Variants in GRIN2A observed in about 807,000 individuals in gnomAD.
The protein encoded by GRIN2A is glutamate receptor ionotropic, NMDA 2A.
In GRIN2A, 22 loss-of-function variants were observed where a neutral mutation model predicts 113.4. The ratio of observed to expected loss-of-function variants is 0.19; its 90% CI spans 0.14 to 0.28. The LOEUF is 0.28. GRIN2A is among the 10% of genes least tolerant of loss of function. GRIN2A has a pLI of 1.00. For synonymous variants in GRIN2A, 827 were observed against 738.4 expected (o/e 1.12, Z -1.94); for missense variants, 1,502 against 1,887.0 (o/e 0.80, Z 3.78).
At chr16:10,165,855 T>G (rs577900399) in intron 2 of GRIN2A, among the ~76,000 whole-genome samples, 1 of 151,904 alleles carries the variant, frequency 6.6e-6, no homozygotes, top group African/African-American at 2.4e-5. Context: ...TAGTATCAAT[T>G]AACCAAGGCA....
chr16:10,097,787 T>C (rs1381295489), intron 2 of GRIN2A, among the ~76,000 whole-genome samples: 1 of 152,108 alleles, frequency 6.6e-6, no homozygotes, highest in Non-Finnish European at 1.5e-5. Flanking sequence ...TAAGCAAAAA[T>C]CAACTCAAGG....
At chr16:10,000,192 C>T (rs1429791606) in intron 2 of GRIN2A, among the ~76,000 whole-genome samples, 1 of 152,174 alleles carries the variant, frequency 6.6e-6, no homozygotes, top group Non-Finnish European at 1.5e-5. Flanking sequence ...TTAACTTAAT[C>T]ACAGTTGTAA....
chr16:9,956,400 T>G (rs953010764), intron 2 of GRIN2A, among the ~76,000 whole-genome samples: 1 of 152,192 alleles, frequency 6.6e-6, no homozygotes, highest in Non-Finnish European at 1.5e-5. Flanking sequence ...GAAACTCACT[T>G]CATTTCACTG....
At chr16:9,904,612 A>T (rs533152636) in intron 3 of GRIN2A, among the ~76,000 whole-genome samples, 2 of 152,218 alleles carry the variant, frequency 1.3e-5, no homozygotes, top group Admixed American at 1.3e-4. Flanking sequence ...GCCTCAAGTG[A>T]TCTGTCCACC....
At chr16:9,896,390 T>C (rs2043808339) in intron 3 of GRIN2A, among the ~76,000 whole-genome samples, 1 of 152,218 alleles carries the variant, frequency 6.6e-6, no homozygotes, top group Non-Finnish European at 1.5e-5. Flanking sequence ...CATACGCAGT[T>C]GAGCACCTTT....
At chr16:10,110,752 T>A (rs538210811) in intron 2 of GRIN2A, among the ~76,000 whole-genome samples, 12 of 152,194 alleles carry the variant, frequency 7.9e-5, no homozygotes, top group Non-Finnish European at 1.3e-4. Context: ...CAGGCTCCAC[T>A]CCTTTCACAG....
chr16:10,166,682 A>G (rs1296803095), intron 2 of GRIN2A, among the ~76,000 whole-genome samples: 1 of 152,220 alleles, frequency 6.6e-6, no homozygotes, highest in Non-Finnish European at 1.5e-5. Context: ...TGGTCCAAGG[A>G]CAAAGCCAAG....
intron 2 of GRIN2A, among the ~76,000 whole-genome samples, chr16:9,960,390 G>A (rs1424813171): frequency 1.3e-5 from 2 of 152,102 alleles, no homozygotes; most frequent in Admixed American, 6.6e-5. Context: ...TACTAAGAGC[G>A]ACTGTTCTTG....
At chr16:10,116,409 G>A (rs1456497426) in intron 2 of GRIN2A, among the ~76,000 whole-genome samples, 2 of 152,176 alleles carry the variant, frequency 1.3e-5, no homozygotes, top group Non-Finnish European at 2.9e-5. Context: ...AACCACTATG[G>A]CAAATGTCTA....
intron 3 of GRIN2A, among the ~76,000 whole-genome samples, chr16:9,905,413 A>G (rs1489305540): frequency 6.6e-6 from 1 of 152,204 alleles, no homozygotes; most frequent in East Asian, 1.9e-4. Flanking sequence ...AGAACTGGGC[A>G]GATAATATCA....
intron 2 of GRIN2A, among the ~76,000 whole-genome samples, chr16:9,967,095 G>T (rs184799786): frequency 1.2e-3 from 177 of 152,270 alleles, no homozygotes; most frequent in African/African-American, 4.0e-3. Context: ...GTGTTCAGCA[G>T]GTCCCACATT....
chr16:9,835,745 C>G (rs974238080), intron 7 of GRIN2A, among the ~76,000 whole-genome samples: 1 of 152,084 alleles, frequency 6.6e-6, no homozygotes, highest in Non-Finnish European at 1.5e-5. Context: ...AGCAGGCCAC[C>G]TTCTTATTAG....
intron 10 of GRIN2A, among the ~76,000 whole-genome samples, chr16:9,812,181 G>T (rs1489251891): frequency 6.6e-6 from 1 of 152,092 alleles, no homozygotes; most frequent in Non-Finnish European, 1.5e-5. Context: ...CAGACACGCT[G>T]CTTAATCTCT....
At chr16:9,857,373 C>T (rs1312128943) in intron 4 of GRIN2A, among the ~76,000 whole-genome samples, 3 of 152,188 alleles carry the variant, frequency 2.0e-5, no homozygotes, top group Admixed American at 6.5e-5. Flanking sequence ...ATCAGAGAAA[C>T]TGGGCATTAG....
At chr16:9,952,594 C>T (rs1384113905) in intron 2 of GRIN2A, among the ~76,000 whole-genome samples, 1 of 152,076 alleles carries the variant, frequency 6.6e-6, no homozygotes, top group African/African-American at 2.4e-5. Flanking sequence ...GTCACCTTTA[C>T]GTTCCATATA....
chr16:9,831,399 C>G (rs1294615829), intron 8 of GRIN2A, among the ~76,000 whole-genome samples: 1 of 152,120 alleles, frequency 6.6e-6, no homozygotes, highest in Non-Finnish European at 1.5e-5. Context: ...CCCTCCCCGT[C>G]CCCGCTTCCA....
Position 9,756,249 on chromosome 16 carries a change from G to A in GRIN2A, c.*6900C>T. The stretch of plus-strand genomic sequence containing the variant: ...ATTAGGAAAGAGATATTTAAGATTA[G>A]GCACATGCTAAGTAGAGAAAATAAC... On this transcript the variant is annotated 3_prime_UTR_variant, in exon 13 of 13. Transcript: ENST00000330684. 1 of 227,666 alleles carries A rather than the reference G, an allele frequency of 4.4e-6. No individual in the cohort carries two copies. The highest frequency in any genetic ancestry group is 8.7e-6 in the Non-Finnish European group (1 of 114,436). The allele number at this position is 227,666 out of a possible 1,614,324, so 14.1% of individuals were successfully genotyped here.
intron 5 of GRIN2A, among the ~76,000 whole-genome samples, chr16:9,846,407 A>C (rs919731422): frequency 6.6e-6 from 1 of 152,202 alleles, no homozygotes; most frequent in African/African-American, 2.4e-5. Flanking sequence ...CTCCAAACCA[A>C]AACAGGCCTT....
intron 8 of GRIN2A, 38 bp from the exon 9 acceptor site, chr16:9,829,690 A>G (rs1596472070): frequency 6.8e-7 from 1 of 1,464,300 alleles, no homozygotes; most frequent in Non-Finnish European, 9.6e-7. Flanking sequence ...GCATTTTCTG[A>G]AAAAAATGCC....
Sources: allele counts gnomAD v4.1 joint callset (sites outside exome capture counted in the v4.1 genomes callset), GRCh38; gene constraint gnomAD v4.1.1; transcripts MANE v1.5; gene names NCBI Gene and HGNC (gene_info 2026-07-23, HGNC 2026-07-21).